DNMT1: variants seen among roughly 807,000 people sequenced by gnomAD.
DNMT1 encodes DNA methyltransferase 1.
In DNMT1, 24 loss-of-function variants were observed where a neutral mutation model predicts 205.3. The observed-to-expected ratio is 0.12, with a 90% CI of 0.08 to 0.16. The LOEUF (loss-of-function observed/expected upper bound fraction) is 0.16. Ranked by LOEUF, DNMT1 falls within the 10% of genes least tolerant of loss-of-function variation. DNMT1 has a pLI of 1.00. For synonymous variants in DNMT1, 817 were observed against 839.8 expected (o/e 0.97, Z 0.47); for missense variants, 1,293 against 2,177.7 (o/e 0.59, Z 8.09).
chr19:10,173,921 G>A lies in DNMT1; in HGVS notation c.649-16C>T, dbSNP rs1463217813. 3 of 1,613,512 alleles carry A rather than the reference G, an allele frequency of 1.9e-6. No individual in the cohort carries two copies. Among genetic ancestry groups the A allele is most frequent in the Non-Finnish European group, 2.5e-6 (3 of 1,179,508 alleles). On this transcript the variant is annotated splice_polypyrimidine_tract_variant and intron_variant, in intron 7 of 40. Transcript: ENST00000359526. ...TCTTCTCATCCTGTGTGGAGGGAAG[G>A]AAGAACAAAAAAGATTAGAATACTG...
intron 10 of DNMT1, among the ~76,000 whole-genome samples, chr19:10,167,867 G>A (rs544739129): frequency 3.3e-5 from 5 of 152,032 alleles, no homozygotes; most frequent in African/African-American, 7.2e-5. Context: ...ACTTCACCCC[G>A]TAATCCCAGC....
At chr19:10,160,473 A>T in intron 13 of DNMT1, 55 bp from the exon 14 acceptor site, 7 of 1,591,820 alleles carry the variant, frequency 4.4e-6, no homozygotes, top group Non-Finnish European at 6.0e-6. Flanking sequence ...TTACACCCAG[A>T]TAGTGCTTCG....
chr19:10,163,479 G>A (rs906721443), intron 11 of DNMT1, 119 bp from the exon 12 acceptor site: 5 of 1,069,926 alleles, frequency 4.7e-6, no homozygotes, highest in South Asian at 1.3e-5. Flanking sequence ...GCACTGTGGA[G>A]CTGGAAGACA....
intron 22 of DNMT1, among the ~76,000 whole-genome samples, chr19:10,153,569 G>A (rs538107207): frequency 1.5e-4 from 23 of 151,814 alleles, no homozygotes; most frequent in African/African-American, 4.4e-4. Flanking sequence ...CCCGGGAGGC[G>A]GAGGTTACGG....
chr19:10,139,930 C>G, intron 33 of DNMT1, 113 bp from the exon 34 acceptor site: 2 of 1,585,268 alleles, frequency 1.3e-6, no homozygotes, highest in Non-Finnish European at 1.7e-6. Flanking sequence ...CTGGTGAGAG[C>G]TGAGCTGTGA....
At chr19:10,176,215 T>C (rs2038936345) in intron 6 of DNMT1, among the ~76,000 whole-genome samples, 1 of 151,032 alleles carries the variant, frequency 6.6e-6, no homozygotes, top group African/African-American at 2.4e-5. Context: ...TGGAATCTGA[T>C]CAGTCCTGTA....
Position 10,159,599 on chromosome 19 carries a change from G to A in DNMT1, c.1280+59C>T, listed in dbSNP as rs1398150952. On this transcript the variant is annotated intron_variant, in intron 17 of 40. Transcript: ENST00000359526. This position sits in a 1 kb window ranked among gnomAD's most constrained non-coding sequence, Gnocchi z 5.0. ...CATCACCAGAATCGTGAGCCCGCAG[G>A]CACCTCTGGGGATGTGCCTCCTTCC... is the stretch of plus-strand genomic sequence containing the variant. 2 of 1,540,176 alleles carry A rather than the reference G, an allele frequency of 1.3e-6. No individual in the cohort carries two copies. The highest frequency in any genetic ancestry group is 9.0e-7 in the Non-Finnish European group (1 of 1,114,324).
chr19:10,160,162 A>AG (rs1323072927), intron 14 of DNMT1, 99 bp from the exon 15 acceptor site: 8 of 1,593,592 alleles, frequency 5.0e-6, no homozygotes, highest in Middle Eastern at 1.6e-4. Flanking sequence ...CCTGTGGCAC[A>AG]GGGAGGCACC....
chr19:10,181,715 G>T (rs1002090635), intron 2 of DNMT1, among the ~76,000 whole-genome samples: 9 of 152,028 alleles, frequency 5.9e-5, no homozygotes, highest in African/African-American at 1.9e-4. Context: ...TGTAGTCCCA[G>T]CTACTTGGGA....
Position 10,138,382 on chromosome 19 carries a change from C to T in DNMT1, c.4115+57G>A. On this transcript the variant is annotated intron_variant, in intron 35 of 40. Transcript: ENST00000359526. The surrounding 1 kb of genome is among the most constrained non-coding windows in gnomAD (Gnocchi z 4.1). ...CCTCACCAGGGAGTACTCACGGGCC[C>T]CATGAGCTACTGAGGCCTGCTCGGC... 6.2e-7 allele frequency: 1 copy of T among 1,611,514 alleles called. No individual in the cohort carries two copies. Among genetic ancestry groups the T allele is most frequent in the East Asian group, 2.2e-5 (1 of 44,882 alleles).
In DNMT1 at chr19:10,140,706, T is replaced by C. The variant is rs1481851698; in HGVS notation, c.3523+75A>G. Reference sequence around the variant, plus strand: ...CTTGAGTCAGGAAGGTGACCGGGGTTGGAAGTCGTTTCAGGTAGCACCTGC... The same window carrying C: ...CTTGAGTCAGGAAGGTGACCGGGGTCGGAAGTCGTTTCAGGTAGCACCTGC... On this transcript the variant is annotated intron_variant, in intron 32 of 40. Transcript: ENST00000359526. The surrounding 1 kb of genome is among the most constrained non-coding windows in gnomAD (Gnocchi z 8.4). The C allele has an allele frequency of 6.2e-7, 1 of 1,611,556 alleles. No individual in the cohort carries two copies. Among genetic ancestry groups the C allele is most frequent in the African/African-American group, 1.3e-5 (1 of 74,888 alleles).
rs758761731 is a variant in DNMT1 at position 10,173,881 on chromosome 19, A to T, written c.673T>A (p.Ser225Thr). The T allele has an allele frequency of 8.7e-6, 14 of 1,613,850 alleles. No individual in the cohort carries two copies. The highest frequency in any genetic ancestry group is 1.2e-5 in the Non-Finnish European group (14 of 1,179,860). Residue 225 changes from serine (S) to threonine (T), a missense_variant, in exon 8 of 41, where the codon TCC becomes ACC. Ser to Thr is a moderately conservative substitution (Grantham distance 58). Coordinates refer to ENST00000359526, the MANE Select transcript of DNMT1 (RefSeq NM_001130823.3). ...AGTAACTATTCTTACCGTTCTCTGG[A>T]TGTAACTCTACGTCTCTTCTCATCC... is the stretch of plus-strand genomic sequence containing the variant. ...DQDEKRRRVTSRERVARPLPA... is the reference protein window; with the variant it reads ...DQDEKRRRVTTRERVARPLPA...
At chr19:10,148,238 T>C (rs1409583254) in intron 27 of DNMT1, among the ~76,000 whole-genome samples, 1 of 151,318 alleles carries the variant, frequency 6.6e-6, no homozygotes, top group Admixed American at 6.6e-5. Context: ...GGCTCACGCC[T>C]GTAATCCCAG....
At chr19:10,163,990 G>C (rs1006870987) in intron 11 of DNMT1, among the ~76,000 whole-genome samples, 1 of 152,150 alleles carries the variant, frequency 6.6e-6, no homozygotes, top group Non-Finnish European at 1.5e-5. Flanking sequence ...TCAGAGGACA[G>C]GCTGCCTCTC....
Position 10,140,656 on chromosome 19 carries a change from C to G in DNMT1, c.3523+125G>C. 2 of 1,556,750 alleles carry G rather than the reference C, an allele frequency of 1.3e-6. No homozygotes were observed. The highest frequency in any genetic ancestry group is 1.8e-6 in the Non-Finnish European group (2 of 1,133,814). Reference sequence around the variant, plus strand: ...GTGCTGGGATTACAGGCGTGCGCCACCGTGCCTGGCCTCGGAAGGAGATTC... The same window carrying G: ...GTGCTGGGATTACAGGCGTGCGCCAGCGTGCCTGGCCTCGGAAGGAGATTC... On this transcript the variant is annotated intron_variant, in intron 32 of 40. Transcript: ENST00000359526. The surrounding 1 kb of genome is among the most constrained non-coding windows in gnomAD (Gnocchi z 8.4).
In DNMT1 at chr19:10,147,939, C is replaced by T. The variant is rs531311520; in HGVS notation, c.2720+945G>A. ...GACCAGCCTGACCAACATGGAGAAA[C>T]CCCATCTCTACTAAAAATACAAAAA... On this transcript the variant is annotated intron_variant, in intron 27 of 40. Transcript: ENST00000359526. Among the ~76,000 whole-genome samples, 4 of 150,906 alleles carry T rather than the reference C, an allele frequency of 2.7e-5. No homozygotes were observed. In the South Asian group the frequency reaches 6.3e-4, roughly 24 times the overall value.
intron 1 of DNMT1, among the ~76,000 whole-genome samples, chr19:10,182,920 T>G (rs574543315): frequency 2.9e-4 from 44 of 150,832 alleles, no homozygotes; most frequent in African/African-American, 1.0e-3. Flanking sequence ...CCTGCCTCAG[T>G]CTCCTGAAGT....
intron 33 of DNMT1, 82 bp downstream of exon 33, chr19:10,139,964 G>C: frequency 6.3e-7 from 1 of 1,599,158 alleles, no homozygotes; most frequent in Non-Finnish European, 8.5e-7. Context: ...AGAGGCCTCA[G>C]TGCAGGGCGA....
chr19:10,153,703 A>C (rs957256092), intron 22 of DNMT1, among the ~76,000 whole-genome samples: 2 of 152,126 alleles, frequency 1.3e-5, no homozygotes, highest in African/African-American at 4.8e-5. Flanking sequence ...GTGTTAACCA[A>C]GAAAAATAAA....
Sources: gnomAD v4.1 joint callset for allele counts (sites outside exome capture counted in the v4.1 genomes callset) on GRCh38, gnomAD v4.1.1 for gene constraint, Gnocchi (gnomAD v3.1) non-coding constraint, MANE v1.5 for transcripts, NCBI Gene and HGNC (gene_info 2026-07-23, HGNC 2026-07-21) for gene names.